Variants in STXBP5 observed in about 807,000 individuals in gnomAD.
STXBP5 encodes the protein syntaxin binding protein 5, also known as syntaxin-binding protein 5.
STXBP5 carries 50 observed loss-of-function variants against 152.4 expected under a neutral mutation model. The observed-to-expected ratio is 0.33, with a 90% CI of 0.26 to 0.42. The LOEUF is 0.42. Ranked by LOEUF, STXBP5 falls within the 10% of genes least tolerant of loss-of-function variation. The probability of loss-of-function intolerance (pLI) is 1.00; values close to 1 mark genes in which losing one functional copy is unlikely to be tolerated. For synonymous variants in STXBP5, 492 were observed against 494.7 expected (o/e 0.99, Z 0.07); for missense variants, 1,167 against 1,388.6 (o/e 0.84, Z 2.54).
chr6:147,257,128 ATGT>A (rs1312443396), intron 4 of STXBP5, among the ~76,000 whole-genome samples: 1 of 151,686 alleles, frequency 6.6e-6, no homozygotes, highest in African/African-American at 2.4e-5. Context: ...TTTGTAAGAT[ATGT>A]TTAAGTCAAG....
intron 25 of STXBP5, among the ~76,000 whole-genome samples, chr6:147,369,804 C>T (rs531442723): frequency 1.3e-4 from 20 of 152,096 alleles, no homozygotes; most frequent in East Asian, 3.9e-4. Flanking sequence ...AGGATATAGA[C>T]GAACTACAAC....
intron 21 of STXBP5, among the ~76,000 whole-genome samples, chr6:147,342,062 T>G (rs1244468176): frequency 6.6e-6 from 1 of 152,202 alleles, no homozygotes; most frequent in African/African-American, 2.4e-5. Flanking sequence ...TGTGCTATGT[T>G]ATCTCTTAAT....
chr6:147,206,204 G>A, intron 2 of STXBP5, 136 bp downstream of exon 2: 1 of 680,284 alleles, frequency 1.5e-6, no homozygotes, highest in African/African-American at 1.8e-5. Context: ...ATCATGTGTT[G>A]GCTTTTCCCT....
At chr6:147,269,712 G>T (rs1423419973) in intron 7 of STXBP5, among the ~76,000 whole-genome samples, 2 of 152,030 alleles carry the variant, frequency 1.3e-5, no homozygotes, top group Non-Finnish European at 2.9e-5. Flanking sequence ...GATAAAATAA[G>T]GTGAAAAATA....
chr6:147,303,562 T>C (rs1781935705), intron 9 of STXBP5, among the ~76,000 whole-genome samples: 1 of 152,088 alleles, frequency 6.6e-6, no homozygotes, highest in Non-Finnish European at 1.5e-5. Context: ...TGAAAAGATA[T>C]CCAAAAATGT....
chr6:147,288,067 A>C (rs956652583), intron 8 of STXBP5, among the ~76,000 whole-genome samples: 1 of 151,860 alleles, frequency 6.6e-6, no homozygotes, highest in Non-Finnish European at 1.5e-5. Context: ...GACCGCCATG[A>C]ATGTGTCTAG....
rs1779817547 is a variant in STXBP5, at chr6:147,264,914, A to G, written c.631-2170A>G. Among the ~76,000 whole-genome samples, 3 of 151,632 alleles carry G rather than the reference A, an allele frequency of 2.0e-5. No individual in the cohort carries two copies. In the South Asian group the frequency reaches 6.2e-4, roughly 31 times the overall value. Reference sequence around the variant, plus strand: ...AGCTGGCTAGAGAGGTTAAAGTTTAACCCTCTTAAGTTATTAAGGTCTGGA... The same window carrying G: ...AGCTGGCTAGAGAGGTTAAAGTTTAGCCCTCTTAAGTTATTAAGGTCTGGA... On this transcript the variant is annotated intron_variant, in intron 6 of 27. Transcript: ENST00000321680.
chr6:147,235,620 G>A (rs1239071167), intron 3 of STXBP5, among the ~76,000 whole-genome samples: 1 of 152,050 alleles, frequency 6.6e-6, no homozygotes, highest in African/African-American at 2.4e-5. Flanking sequence ...GTGTAACATA[G>A]AACTCTATAT....
At chr6:147,384,266 A>T (rs1165075104) in intron 27 of STXBP5, among the ~76,000 whole-genome samples, 1 of 152,070 alleles carries the variant, frequency 6.6e-6, no homozygotes, top group Non-Finnish European at 1.5e-5. Context: ...GGGGAGAAAA[A>T]CAGTGCCTAG....
chr6:147,289,794 A>G (rs1220814066), intron 8 of STXBP5, among the ~76,000 whole-genome samples: 1 of 152,198 alleles, frequency 6.6e-6, no homozygotes, highest in Non-Finnish European at 1.5e-5. Context: ...CGCTGCTGAT[A>G]GAACTATAAA....
chr6:147,336,097 A>G (rs1397177028), intron 19 of STXBP5, among the ~76,000 whole-genome samples: 1 of 152,228 alleles, frequency 6.6e-6, no homozygotes, highest in South Asian at 2.1e-4. Flanking sequence ...AAACATAGGA[A>G]TTCTCTGAGA....
chr6:147,214,285 G>A (rs1777047435), intron 2 of STXBP5, among the ~76,000 whole-genome samples: 2 of 152,110 alleles, frequency 1.3e-5, no homozygotes, highest in Admixed American at 1.3e-4. Context: ...TCTACTTTCA[G>A]ATTTAGCAAT....
At chr6:147,360,534 T>C (rs1225192216) in intron 23 of STXBP5, among the ~76,000 whole-genome samples, 2 of 152,214 alleles carry the variant, frequency 1.3e-5, no homozygotes, top group Admixed American at 1.3e-4. Context: ...TAAGAAAATT[T>C]TTTTTAAAAG....
chr6:147,315,904 A>G (rs1204632014), intron 15 of STXBP5, among the ~76,000 whole-genome samples, 169 bp downstream of exon 15: 1 of 152,098 alleles, frequency 6.6e-6, no homozygotes, highest in Non-Finnish European at 1.5e-5. Context: ...TTTTGCATAT[A>G]TTTTCACTGA....
intron 2 of STXBP5, among the ~76,000 whole-genome samples, chr6:147,230,245 T>C (rs17076671): frequency 0.069 from 10,485 of 152,008 alleles, 489 homozygotes; most frequent in African/African-American, 0.12. Flanking sequence ...GCTGTAGGCT[T>C]TAAAATGTTT....
rs1344560206 is a variant in STXBP5, at chr6:147,359,183, C to T, written c.2405C>T (p.Thr802Met). 3 of 1,614,040 alleles carry T rather than the reference C, an allele frequency of 1.9e-6. No homozygotes were observed. The highest frequency in any genetic ancestry group is 2.2e-5 in the East Asian group (1 of 44,864). ...ATCTCCGCTCTTCATTTCTGTGAAACGTTTACTCGAAAGACGGACTCGTCC... is the reference window on the plus strand; with the variant it reads ...ATCTCCGCTCTTCATTTCTGTGAAATGTTTACTCGAAAGACGGACTCGTCC... ...EAISALHFCETFTRKTDSSPS... is the reference protein window; with the variant it reads ...EAISALHFCEMFTRKTDSSPS... The change falls in exon 23 of 28, where the codon ACG becomes ATG. Residue 802 changes from threonine to methionine, a missense_variant. Physicochemically the swap from Thr to Met is moderately conservative, Grantham distance 81 (BLOSUM62 -1). This residue lies in a region of STXBP5 where 833 missense variants were observed against 986.3 expected (regional missense o/e 0.84). Transcript: ENST00000321680.
chr6:147,297,943 A>T (rs1011369291), intron 9 of STXBP5, among the ~76,000 whole-genome samples: 10 of 152,090 alleles, frequency 6.6e-5, no homozygotes, highest in Non-Finnish European at 1.0e-4. Flanking sequence ...GAAAGGAAGA[A>T]TGTAACAAAG....
At chr6:147,218,581 A>C (rs1239899426) in intron 2 of STXBP5, among the ~76,000 whole-genome samples, 1 of 151,986 alleles carries the variant, frequency 6.6e-6, no homozygotes, top group Non-Finnish European at 1.5e-5. Context: ...CCTGGGCTCG[A>C]GCAATCCTTC....
chr6:147,363,795 G>C (rs1259818267), intron 24 of STXBP5, 91 bp downstream of exon 24: 1 of 1,494,790 alleles, frequency 6.7e-7, no homozygotes, highest in South Asian at 1.4e-5. Context: ...CTTTTTGTGT[G>C]TGTATAGTCT....
Sources: allele counts gnomAD v4.1 joint callset (sites outside exome capture counted in the v4.1 genomes callset), GRCh38; gene constraint gnomAD v4.1.1; regional missense constraint gnomAD v4.1.1; transcripts MANE v1.5; gene names NCBI Gene and HGNC (gene_info 2026-07-23, HGNC 2026-07-21).